Variants in AVL9 observed in about 807,000 individuals in gnomAD.
AVL9 encodes the protein AVL9 cell migration associated, also known as late secretory pathway protein AVL9 homolog.
Under a neutral mutation model 79.2 loss-of-function variants are expected in AVL9, and 49 were observed. The ratio of observed to expected loss-of-function variants is 0.62; its 90% CI spans 0.49 to 0.79. The LOEUF (loss-of-function observed/expected upper bound fraction) is 0.79, where lower values mean the gene tolerates loss of function less well. AVL9 is among the 30% of genes least tolerant of loss of function. AVL9 has a pLI of 0.00. For synonymous variants in AVL9, 299 were observed against 280.6 expected, an observed-to-expected ratio of 1.07 and a Z score of -0.65; for missense variants, 682 against 776.8, an observed-to-expected ratio of 0.88 and a Z score of 1.45.
intron 15 of AVL9, 48 bp downstream of exon 15, chr7:32,580,938 A>ATT (rs1791474671): frequency 7.5e-7 from 1 of 1,333,528 alleles, no homozygotes; most frequent in African/African-American, 1.4e-5. Flanking sequence ...CAACACATCC[A>ATT]TTTTCTATCT....
chr7:32,540,465 G>A (rs940353461), intron 1 of AVL9, among the ~76,000 whole-genome samples: 3 of 152,186 alleles, frequency 2.0e-5, no homozygotes, highest in African/African-American at 7.2e-5. Flanking sequence ...TATAGAAGTA[G>A]AGCAAAGAAA....
chr7:32,573,838 A>G (rs1156901451), intron 12 of AVL9, among the ~76,000 whole-genome samples: 1 of 152,230 alleles, frequency 6.6e-6, no homozygotes, highest in Admixed American at 6.5e-5. Context: ...GAAAGAATAT[A>G]AAAAATAGAA....
intron 1 of AVL9, among the ~76,000 whole-genome samples, chr7:32,539,925 C>G (rs887230184): frequency 2.0e-5 from 3 of 152,190 alleles, no homozygotes; most frequent in South Asian, 2.1e-4. Flanking sequence ...TCCTCTGCCT[C>G]TCTTATAAGG....
chr7:32,549,370 A>G (rs1049613101), intron 4 of AVL9, among the ~76,000 whole-genome samples: 1 of 151,470 alleles, frequency 6.6e-6, no homozygotes, highest in Non-Finnish European at 1.5e-5. Flanking sequence ...GACCACAGGC[A>G]TGCACTACCA....
At chr7:32,527,722 A>G (rs1384410014) in intron 1 of AVL9, among the ~76,000 whole-genome samples, 1 of 152,174 alleles carries the variant, frequency 6.6e-6, no homozygotes, top group Non-Finnish European at 1.5e-5. Flanking sequence ...ACACTATGGG[A>G]CAGAATTAAA....
intron 3 of AVL9, among the ~76,000 whole-genome samples, chr7:32,546,685 T>C (rs1789523223): frequency 1.3e-5 from 2 of 152,004 alleles, no homozygotes; most frequent in African/African-American, 4.8e-5. Context: ...TAGCCAGGTG[T>C]GGCAGCGCAC....
Position 32,551,319 on chromosome 7 carries a change from C to T in AVL9, c.373-15C>T. 6.5e-7 allele frequency: 1 copy of T among 1,535,492 alleles called. No homozygotes were observed. Among genetic ancestry groups the T allele is most frequent in the East Asian group, 2.3e-5 (1 of 44,244 alleles). Reference sequence around the variant, plus strand: ...TAATTATTAATCAATGGTAATTTCTCTTTTTTCCTTTAAGCCTCTGTATGG... The same window carrying T: ...TAATTATTAATCAATGGTAATTTCTTTTTTTTCCTTTAAGCCTCTGTATGG... On this transcript the variant is annotated splice_polypyrimidine_tract_variant and intron_variant, in intron 4 of 15. Transcript: ENST00000318709.
chr7:32,534,631 T>G (rs10260808), intron 1 of AVL9: 50,656 of 151,976 alleles, frequency 0.33, 8,684 homozygotes, highest in South Asian at 0.44. Flanking sequence ...AGGTTTGTTA[T>G]GCAGATTGAA....
intron 1 of AVL9, among the ~76,000 whole-genome samples, chr7:32,523,508 C>CTTTTTTTTTT (rs70992725): frequency 1.0e-4 from 8 of 79,262 alleles, no homozygotes; most frequent in Admixed American, 2.0e-4. Context: ...TATAAATTTC[C>CTTTTTTTTTT]TTTTTTTTTT....
chr7:32,523,150 C>CAAAAAAAAAAAAAAAAAAAAAGAAAAAAA, intron 1 of AVL9, among the ~76,000 whole-genome samples: 1 of 81,282 alleles, frequency 1.2e-5, no homozygotes, highest in African/African-American at 4.7e-5. Context: ...GGTAATTAAC[C>CAAAAAAAAAAAAAAAAAAAAAGAAAAAAA]AAAAAAAAAA....
intron 1 of AVL9, among the ~76,000 whole-genome samples, chr7:32,540,771 A>G (rs1050607397): frequency 6.6e-6 from 1 of 151,396 alleles, no homozygotes; most frequent in Admixed American, 6.6e-5. Context: ...CTGTTGTCAA[A>G]TATTCAGTCT....
chr7:32,586,432 A>C lies in AVL9; in HGVS notation c.*2525A>C, dbSNP rs932605865. 6.7e-6 allele frequency: 1 copy of C among 148,332 alleles called. No individual in the cohort carries two copies. The highest frequency in any genetic ancestry group is 2.5e-5 in the African/African-American group (1 of 40,092). The allele number at this position is 148,332 out of a possible 1,614,324, so 9.2% of individuals were successfully genotyped here. A position where few individuals can be genotyped will look rare whatever the true frequency, so the allele number is the denominator to read the frequency against. On this transcript the variant is annotated 3_prime_UTR_variant, in exon 16 of 16. Coordinates refer to ENST00000318709, the MANE Select transcript of AVL9 (RefSeq NM_015060.3). ...GCCCCAAGGCAGCTCGCACAATCAA[A>C]GGCAGGAAGCCTCACCCCTGGTCCT...
intron 9 of AVL9, 67 bp from the exon 10 acceptor site, chr7:32,558,862 A>T: frequency 7.3e-7 from 1 of 1,378,898 alleles, no homozygotes. Context: ...GAGTCTACTA[A>T]TATATAGCTC....
At chr7:32,507,738 A>G (rs1303262358) in intron 1 of AVL9, among the ~76,000 whole-genome samples, 3 of 152,218 alleles carry the variant, frequency 2.0e-5, no homozygotes, top group Non-Finnish European at 2.9e-5. Context: ...ACGTGTGCAA[A>G]TCATTTTGTT....
chr7:32,580,363 T>G, intron 14 of AVL9, 91 bp downstream of exon 14: 1 of 1,022,276 alleles, frequency 9.8e-7, no homozygotes, highest in East Asian at 2.4e-5. Context: ...TTTCTCTACT[T>G]GATAGACTTA....
At chr7:32,501,202 A>T (rs1387630958) in intron 1 of AVL9, among the ~76,000 whole-genome samples, 1 of 152,152 alleles carries the variant, frequency 6.6e-6, no homozygotes, top group Non-Finnish European at 1.5e-5. Flanking sequence ...GCCCTGAGTG[A>T]TTCAGGTTTT....
rs777532534 is a variant in AVL9, at chr7:32,548,840, A to G, written c.301-7A>G. On this transcript the variant is annotated splice_polypyrimidine_tract_variant and splice_region_variant and intron_variant, in intron 3 of 15. Transcript: ENST00000318709. ...ATTTCTGATAAATTGCTCTTTGTTC[A>G]TAATAGGCACTGAAAGTAAGGCAAG... is the stretch of plus-strand genomic sequence containing the variant. 1 of 1,551,028 alleles carries G rather than the reference A, an allele frequency of 6.4e-7. No homozygotes were observed. Among genetic ancestry groups the G allele is most frequent in the Non-Finnish European group, 8.7e-7 (1 of 1,152,264 alleles).
chr7:32,583,377 A>G lies in AVL9; in HGVS notation c.1832-415A>G, dbSNP rs575356091. Reference sequence around the variant, plus strand: ...AAATTTAAATGATATTTTGGCTACTATTAACATATTGATGTGTTCTAGTGA... The same window carrying G: ...AAATTTAAATGATATTTTGGCTACTGTTAACATATTGATGTGTTCTAGTGA... On this transcript the variant is annotated intron_variant, in intron 15 of 15. Transcript: ENST00000318709. 3.9e-5 allele frequency among the ~76,000 whole-genome samples: 6 copies of G among 152,340 alleles called. 1 individual carries two copies. The South Asian group carries it at 1.2e-3, about 32-fold the overall frequency.
intron 1 of AVL9, among the ~76,000 whole-genome samples, chr7:32,521,217 G>A (rs1788135314): frequency 6.6e-6 from 1 of 152,182 alleles, no homozygotes; most frequent in Non-Finnish European, 1.5e-5. Flanking sequence ...TGAAAATGTG[G>A]AAGCGACTTT....
Sources: allele counts gnomAD v4.1 joint callset (sites outside exome capture counted in the v4.1 genomes callset), GRCh38; gene constraint gnomAD v4.1.1; transcripts MANE v1.5; gene names NCBI Gene and HGNC (gene_info 2026-07-23, HGNC 2026-07-21).